Variants in DIP2C observed in about 807,000 individuals in gnomAD.
DIP2C encodes disco-interacting protein 2 homolog C.
A neutral mutation model predicts 192.4 loss-of-function variants in DIP2C; 33 were observed. The ratio of observed to expected loss-of-function variants is 0.17; its 90% CI spans 0.13 to 0.23. The LOEUF (loss-of-function observed/expected upper bound fraction) is 0.23. Among genes scored for constraint, DIP2C ranks in the 10% least tolerant of loss-of-function variants. The pLI, the probability that DIP2C is intolerant of heterozygous loss-of-function variation, is 1.00. For missense variants in DIP2C, 1,537 were observed against 2,110.1 expected (o/e 0.73, Z 5.32); for synonymous variants, 979 against 864.1 (o/e 1.13, Z -2.33).
intron 32 of DIP2C, among the ~76,000 whole-genome samples, chr10:305,927 G>T (rs1205497003): frequency 6.6e-6 from 1 of 151,006 alleles, no homozygotes; most frequent in Non-Finnish European, 1.5e-5. Flanking sequence ...GATTACCGGT[G>T]TGAGCCCATT....
intron 1 of DIP2C, among the ~76,000 whole-genome samples, chr10:514,516 A>T (rs1198004117): frequency 6.6e-6 from 1 of 152,210 alleles, no homozygotes; most frequent in Admixed American, 6.5e-5. Flanking sequence ...AGCCAAGTCC[A>T]GGCTGTCTGT....
At chr10:613,303 T>C (rs1406612106) in intron 1 of DIP2C, among the ~76,000 whole-genome samples, 2 of 152,210 alleles carry the variant, frequency 1.3e-5, no homozygotes, top group Non-Finnish European at 2.9e-5. Context: ...GCCTCCCACC[T>C]AGAAAACGTC....
At chr10:479,722 T>G (rs1274315211) in intron 2 of DIP2C, among the ~76,000 whole-genome samples, 1 of 152,188 alleles carries the variant, frequency 6.6e-6, no homozygotes, top group Non-Finnish European at 1.5e-5. Flanking sequence ...CTTTTCCTAT[T>G]ATAATGTTTT....
intron 1 of DIP2C, among the ~76,000 whole-genome samples, chr10:493,108 C>T (rs1389727887): frequency 6.6e-6 from 1 of 152,234 alleles, no homozygotes; most frequent in African/African-American, 2.4e-5. Context: ...CAGTCCCTGG[C>T]AAGACTGGGG....
intron 32 of DIP2C, 138 bp from the exon 33 acceptor site, chr10:288,559 T>C: frequency 1.1e-6 from 1 of 880,904 alleles, no homozygotes; most frequent in Non-Finnish European, 1.8e-6. Flanking sequence ...AGGACGAAGC[T>C]GCAGAAAGAG....
intron 28 of DIP2C, among the ~76,000 whole-genome samples, chr10:343,276 A>G (rs1230709314): frequency 2.0e-5 from 3 of 152,236 alleles, no homozygotes; most frequent in Admixed American, 6.5e-5. Flanking sequence ...GCAACAGAGC[A>G]AGACTCCATC....
intron 1 of DIP2C, among the ~76,000 whole-genome samples, chr10:588,407 G>T (rs1851209803): frequency 6.6e-6 from 1 of 152,268 alleles, no homozygotes; most frequent in East Asian, 1.9e-4. Context: ...TAAATTGGGA[G>T]ATTCCATCTC....
At chr10:529,827 C>G (rs546217812) in intron 1 of DIP2C, among the ~76,000 whole-genome samples, 1 of 152,206 alleles carries the variant, frequency 6.6e-6, no homozygotes, top group South Asian at 2.1e-4. Context: ...TCACCCAGGC[C>G]GGAGTGCAGT....
chr10:341,447 G>C (rs1958142280), intron 28 of DIP2C, 118 bp from the exon 29 acceptor site: 1 of 1,432,168 alleles, frequency 7.0e-7, no homozygotes, highest in Non-Finnish European at 9.6e-7. Context: ...GACACCCTCA[G>C]ACACCCGGGA....
intron 1 of DIP2C, among the ~76,000 whole-genome samples, chr10:493,509 G>A (rs1350853489): frequency 6.6e-6 from 1 of 152,104 alleles, no homozygotes; most frequent in East Asian, 1.9e-4. Flanking sequence ...ATTTCCAGCT[G>A]GACATCGAGA....
intron 1 of DIP2C, among the ~76,000 whole-genome samples, chr10:604,210 GC>G (rs1852308223): frequency 6.6e-6 from 1 of 152,004 alleles, no homozygotes; most frequent in African/African-American, 2.4e-5. Flanking sequence ...AGCCTCTTTT[GC>G]CATGTAAACT....
At chr10:442,490 C>T (rs950127600) in intron 3 of DIP2C, among the ~76,000 whole-genome samples, 2 of 152,192 alleles carry the variant, frequency 1.3e-5, no homozygotes, top group African/African-American at 2.4e-5. Context: ...ACACAGTCCA[C>T]TCACTTCCCA....
At chr10:639,427 A>G (rs12780110) in intron 1 of DIP2C, among the ~76,000 whole-genome samples, 1 of 136,554 alleles carries the variant, frequency 7.3e-6, no homozygotes, top group Non-Finnish European at 1.6e-5. Flanking sequence ...CGGTCCACAC[A>G]TGGGGACGCG....
At chr10:318,439 GAAGTCTCGTGTCCAGGAAC>G (rs1480760905) in intron 31 of DIP2C, among the ~76,000 whole-genome samples, 1 of 152,176 alleles carries the variant, frequency 6.6e-6, no homozygotes, top group Non-Finnish European at 1.5e-5. Context: ...TGCTGGTGGG[GAAGTCTCGTGTCCAGGAAC>G]AAGGTCAGCA....
At chr10:483,339 C>T (rs1588259731) in intron 2 of DIP2C, among the ~76,000 whole-genome samples, 2 of 152,260 alleles carry the variant, frequency 1.3e-5, no homozygotes, top group Admixed American at 6.5e-5. Flanking sequence ...AAGGAAGTCA[C>T]GTCCCATGGG....
At chr10:662,821 G>A (rs1588714389) in intron 1 of DIP2C, 1 of 717,030 alleles carries the variant, frequency 1.4e-6, no homozygotes. Context: ...GCCTGCGATG[G>A]CTGTGGTTGA....
At chr10:542,750 G>C (rs1848070400) in intron 1 of DIP2C, among the ~76,000 whole-genome samples, 1 of 150,808 alleles carries the variant, frequency 6.6e-6, no homozygotes, top group Non-Finnish European at 1.5e-5. Flanking sequence ...TTGGGGAGTG[G>C]GGGGTTCTGA....
chr10:684,186 G>A (rs148790361), intron 1 of DIP2C, among the ~76,000 whole-genome samples: 267 of 152,330 alleles, frequency 1.8e-3, no homozygotes, highest in Non-Finnish European at 2.9e-3. Flanking sequence ...CAGTCCACAC[G>A]TTCAAAAGCC....
At chr10:360,940 T>C (rs758479092) in intron 22 of DIP2C, among the ~76,000 whole-genome samples, 12 of 152,166 alleles carry the variant, frequency 7.9e-5, no homozygotes, top group East Asian at 1.9e-4. Context: ...GTCAGGGTCA[T>C]TTTAAATGTT....
Sources: allele counts gnomAD v4.1 joint callset (sites outside exome capture counted in the v4.1 genomes callset), GRCh38; gene constraint gnomAD v4.1.1; transcripts MANE v1.5; gene names NCBI Gene and HGNC (gene_info 2026-07-23, HGNC 2026-07-21).